ABCB1: variants seen among roughly 807,000 people sequenced by gnomAD.
ABCB1 encodes ATP binding cassette subfamily B member 1.
In ABCB1, 69 loss-of-function variants were observed where a neutral mutation model predicts 142.0. The ratio of observed to expected loss-of-function variants is 0.49; its 90% CI spans 0.40 to 0.59. ABCB1 has a LOEUF of 0.59. Ranked by LOEUF, ABCB1 falls within the 20% of genes least tolerant of loss-of-function variation. The pLI is 0.00. For synonymous variants in ABCB1, 532 were observed against 539.2 expected (o/e 0.99, Z 0.18); for missense variants, 1,326 against 1,554.7 (o/e 0.85, Z 2.47).
intron 1 of ABCB1, among the ~76,000 whole-genome samples, chr7:87,697,062 A>C (rs554681116): frequency 2.6e-5 from 4 of 152,330 alleles, no homozygotes; most frequent in African/African-American, 9.6e-5. Flanking sequence ...ACCTGAAACT[A>C]AAGAGAAGAT....
At chr7:87,543,217 C>T (rs1816618996) in intron 17 of ABCB1, among the ~76,000 whole-genome samples, 1 of 152,048 alleles carries the variant, frequency 6.6e-6, no homozygotes, top group African/African-American at 2.4e-5. Flanking sequence ...TCGCTTGAAC[C>T]CAGGAGGCAG....
At chr7:87,565,168 A>G (rs189300139) in intron 7 of ABCB1, among the ~76,000 whole-genome samples, 1 of 152,258 alleles carries the variant, frequency 6.6e-6, no homozygotes, top group East Asian at 1.9e-4. Flanking sequence ...AATAATATCC[A>G]TTATACAGGT....
intron 1 of ABCB1, among the ~76,000 whole-genome samples, chr7:87,660,009 C>T (rs556969485): frequency 1.5e-4 from 23 of 152,128 alleles, no homozygotes; most frequent in Non-Finnish European, 2.5e-4. Flanking sequence ...TTTAGGATTT[C>T]GGTTTGATAA....
chr7:87,508,832 A>C (rs1398805672), intron 26 of ABCB1, among the ~76,000 whole-genome samples: 2 of 152,120 alleles, frequency 1.3e-5, no homozygotes, highest in African/African-American at 4.8e-5. Context: ...GGGGAGAGAC[A>C]TGGGGAGAGA....
chr7:87,616,270 A>G (rs2130075982), intron 1 of ABCB1, among the ~76,000 whole-genome samples: 1 of 152,352 alleles, frequency 6.6e-6, no homozygotes, highest in South Asian at 2.1e-4. Context: ...CATCTTGTGC[A>G]GAGTGAATAT....
chr7:87,679,445 A>G (rs955649813), intron 1 of ABCB1, among the ~76,000 whole-genome samples: 30 of 149,650 alleles, frequency 2.0e-4, no homozygotes, highest in African/African-American at 6.2e-4. Flanking sequence ...TTGGAGTGCA[A>G]TGGCACAATC....
At chr7:87,522,051 C>A in intron 21 of ABCB1, 1 of 1,027,280 alleles carries the variant, frequency 9.7e-7, no homozygotes, top group Non-Finnish European at 1.5e-6. Flanking sequence ...AGAGGCAAAG[C>A]AGCTCTGGGA....
intron 17 of ABCB1, among the ~76,000 whole-genome samples, chr7:87,541,717 C>T (rs1757797375): frequency 1.3e-5 from 2 of 152,190 alleles, no homozygotes; most frequent in African/African-American, 2.4e-5. Flanking sequence ...GTCATGAGTG[C>T]CACCTCAACT....
chr7:87,503,361 TA>T lies in ABCB1; in HGVS notation c.*881del, dbSNP rs1317288975. Among the ~76,000 whole-genome samples the T allele has an allele frequency of 2.0e-5, 3 of 152,172 alleles. No homozygotes were observed. The highest frequency in any genetic ancestry group is 4.4e-5 in the Non-Finnish European group (3 of 68,024). On this transcript the variant is annotated 3_prime_UTR_variant, in exon 28 of 28. Transcript: ENST00000622132. Reference sequence around the variant, plus strand: ...TTTTTATCATGTTTGTATCAAGATGTAGTTAAACTCATGGCACATTTTAAAC... The same window carrying T: ...TTTTTATCATGTTTGTATCAAGATGTGTTAAACTCATGGCACATTTTAAAC...
intron 1 of ABCB1, among the ~76,000 whole-genome samples, chr7:87,686,113 T>C (rs146070379): frequency 6.6e-6 from 1 of 152,352 alleles, no homozygotes; most frequent in East Asian, 1.9e-4. Flanking sequence ...TTACACTTGA[T>C]GTATACTTTC....
chr7:87,589,658 G>A (rs1406075749), intron 3 of ABCB1, among the ~76,000 whole-genome samples: 2 of 152,002 alleles, frequency 1.3e-5, no homozygotes, highest in East Asian at 3.9e-4. Flanking sequence ...GATGGCATGT[G>A]CCTGGGGTCC....
At chr7:87,548,117 G>GAGAGGAGGGAAGGGGAGGGA (rs1816872803) in intron 14 of ABCB1, among the ~76,000 whole-genome samples, 2 of 67,358 alleles carry the variant, frequency 3.0e-5, no homozygotes. Flanking sequence ...GAGGGGATGG[G>GAGAGGAGGGAAGGGGAGGGA]AGGGGAGGGA....
intron 1 of ABCB1, among the ~76,000 whole-genome samples, chr7:87,666,000 C>T (rs373640934): frequency 5.3e-5 from 8 of 152,114 alleles, no homozygotes; most frequent in Admixed American, 1.3e-4. Context: ...GGTATATACC[C>T]GGTAATGGGA....
At chr7:87,644,837 A>C (rs1335692380) in intron 1 of ABCB1, among the ~76,000 whole-genome samples, 1 of 151,958 alleles carries the variant, frequency 6.6e-6, no homozygotes, top group Non-Finnish European at 1.5e-5. Flanking sequence ...TCTAATAAAA[A>C]CTATAGACAT....
chr7:87,592,750 T>C (rs879903984), intron 3 of ABCB1, among the ~76,000 whole-genome samples: 1 of 152,146 alleles, frequency 6.6e-6, no homozygotes, highest in Non-Finnish European at 1.5e-5. Flanking sequence ...TATGTCCCTA[T>C]ATGAAGATTA....
chr7:87,698,973 A>T (rs887908596), intron 1 of ABCB1, among the ~76,000 whole-genome samples: 1 of 152,154 alleles, frequency 6.6e-6, no homozygotes, highest in Non-Finnish European at 1.5e-5. Context: ...CTAGGGGGCG[A>T]TTTTTAAAAA....
At chr7:87,530,117 T>G (rs763473295) in intron 21 of ABCB1, among the ~76,000 whole-genome samples, 43 of 152,226 alleles carry the variant, frequency 2.8e-4, no homozygotes, top group Non-Finnish European at 5.7e-4. Flanking sequence ...TGGGGCCTTC[T>G]TCATCATTCA....
chr7:87,699,699 C>T (rs1253177610), intron 1 of ABCB1, among the ~76,000 whole-genome samples: 1 of 152,292 alleles, frequency 6.6e-6, no homozygotes, highest in East Asian at 1.9e-4. Context: ...AGCTACCATG[C>T]CCAACCATAG....
chr7:87,628,438 G>C (rs1406818450), intron 1 of ABCB1: 1 of 168,648 alleles, frequency 5.9e-6, no homozygotes, highest in Non-Finnish European at 1.3e-5. Context: ...GCTGCGGAGT[G>C]TGGGTGGTTG....
Sources: gnomAD v4.1 joint callset for allele counts (sites outside exome capture counted in the v4.1 genomes callset) on GRCh38, gnomAD v4.1.1 for gene constraint, MANE v1.5 for transcripts, NCBI Gene and HGNC (gene_info 2026-07-23, HGNC 2026-07-21) for gene names.